Variants in GPHN observed in about 807,000 individuals in gnomAD.
GPHN encodes the protein gephyrin.
A neutral mutation model predicts 95.5 loss-of-function variants in GPHN; 17 were observed. The ratio of observed to expected loss-of-function variants is 0.18; its 90% CI spans 0.12 to 0.27. The LOEUF is 0.27. Among genes scored for constraint, GPHN ranks in the 10% least tolerant of loss-of-function variants. The pLI, the probability that GPHN is intolerant of heterozygous loss-of-function variation, is 1.00. For missense variants in GPHN, 660 were observed against 978.1 expected, an observed-to-expected ratio of 0.67 and a Z score of 4.34; for synonymous variants, 320 against 322.5, an observed-to-expected ratio of 0.99 and a Z score of 0.08.
At chr14:67,473,340 G>A in the GPHN span, 1 of 1,551,118 alleles carries the variant, frequency 6.4e-7, no homozygotes. The surrounding 1 kb of genome is among the most constrained non-coding windows in gnomAD (Gnocchi z 6.5). Context: ...TTTGCTGCAT[G>A]GATGGGGCAA....
the GPHN span, among the ~76,000 whole-genome samples, chr14:67,324,902 T>A: frequency 8.0e-5 from 11 of 137,068 alleles, no homozygotes; most frequent in African/African-American, 2.8e-4. Context: ...CTTTCATTTT[T>A]TTTTTTTTTT....
At chr14:66,692,396 T>C (rs1419553298) in intron 2 of GPHN, among the ~76,000 whole-genome samples, 1 of 152,160 alleles carries the variant, frequency 6.6e-6, no homozygotes, top group Non-Finnish European at 1.5e-5. Flanking sequence ...GTTTTTAATA[T>C]GATGTTTCAT....
chr14:66,553,733 C>T (rs1042788305), intron 1 of GPHN, among the ~76,000 whole-genome samples: 14 of 152,088 alleles, frequency 9.2e-5, no homozygotes, highest in African/African-American at 2.9e-4. Flanking sequence ...TGGGCCACCA[C>T]GCCCGCCTAA....
the GPHN span, among the ~76,000 whole-genome samples, chr14:67,248,969 AT>A: frequency 9.0e-5 from 13 of 143,672 alleles, no homozygotes; most frequent in African/African-American, 1.3e-4. Context: ...CTACATACCA[AT>A]TTTTTTTTTT....
At chr14:66,719,688 A>C (rs936857835) in intron 2 of GPHN, among the ~76,000 whole-genome samples, 2 of 152,176 alleles carry the variant, frequency 1.3e-5, no homozygotes, top group Non-Finnish European at 2.9e-5. Flanking sequence ...CCTGCTGCAC[A>C]AATTTGTGAA....
chr14:67,567,042 G>A, the GPHN span, among the ~76,000 whole-genome samples: 2 of 152,136 alleles, frequency 1.3e-5, no homozygotes, highest in East Asian at 3.9e-4. Flanking sequence ...AGAATGTAAG[G>A]AGATCTCATC....
intron 1 of GPHN, among the ~76,000 whole-genome samples, chr14:66,569,791 T>C (rs2060607114): frequency 6.6e-6 from 1 of 152,154 alleles, no homozygotes; most frequent in Non-Finnish European, 1.5e-5. Flanking sequence ...ACCTCACATA[T>C]TTATTTGTTG....
chr14:67,579,379 C>T, the GPHN span: 1 of 1,276,778 alleles, frequency 7.8e-7, no homozygotes, highest in Non-Finnish European at 1.1e-6. Flanking sequence ...ACCCCTGGGC[C>T]TTAGGCTCAG....
At chr14:67,656,671 G>C in the GPHN span, 2 of 1,433,312 alleles carry the variant, frequency 1.4e-6, no homozygotes, top group African/African-American at 1.4e-5. Context: ...CCTTCCCCAT[G>C]TTAGAAGGGA....
the GPHN span, chr14:67,615,641 C>T: frequency 1.9e-6 from 1 of 535,880 alleles, no homozygotes; most frequent in Non-Finnish European, 3.6e-6. Context: ...AAGACCATGT[C>T]TGCTAAAGAG....
chr14:67,632,969 CG>C, the GPHN span, among the ~76,000 whole-genome samples: 3 of 151,328 alleles, frequency 2.0e-5, no homozygotes, highest in Admixed American at 2.0e-4. Flanking sequence ...TACAGGCGCC[CG>C]CCACCACGCC....
chr14:67,455,701 A>T, the GPHN span, among the ~76,000 whole-genome samples: 3 of 152,214 alleles, frequency 2.0e-5, no homozygotes, highest in African/African-American at 4.8e-5. Flanking sequence ...ATTATTTATA[A>T]CTATCATTTA....
At chr14:67,444,236 A>C in the GPHN span, among the ~76,000 whole-genome samples, 1 of 152,186 alleles carries the variant, frequency 6.6e-6, no homozygotes, top group Admixed American at 6.5e-5. Flanking sequence ...GGACCTCCTG[A>C]GGCTGTGTCA....
chr14:67,011,820 T>C (rs2073029555), intron 9 of GPHN, among the ~76,000 whole-genome samples: 2 of 134,722 alleles, frequency 1.5e-5, no homozygotes, highest in Non-Finnish European at 3.5e-5. Flanking sequence ...GTTGTGTGTA[T>C]AAATACACAG....
At chr14:66,830,446 C>A (rs991009322) in intron 4 of GPHN, among the ~76,000 whole-genome samples, 3 of 151,970 alleles carry the variant, frequency 2.0e-5, no homozygotes, top group Non-Finnish European at 4.4e-5. Flanking sequence ...TAAGTAAAAT[C>A]TCACTGTTAA....
intron 1 of GPHN, among the ~76,000 whole-genome samples, chr14:66,583,665 T>C (rs1472105592): frequency 6.6e-6 from 1 of 152,176 alleles, no homozygotes; most frequent in East Asian, 1.9e-4. Context: ...TTGCTTGTTT[T>C]TGTCAGGTTT....
chr14:67,320,914 A>T, the GPHN span: 2 of 680,646 alleles, frequency 2.9e-6, no homozygotes, highest in Non-Finnish European at 5.0e-6. Context: ...AAACAATGTT[A>T]AACATGTAGG....
At chr14:67,555,092 A>C in the GPHN span, among the ~76,000 whole-genome samples, 11 of 152,046 alleles carry the variant, frequency 7.2e-5, no homozygotes, top group Non-Finnish European at 5.9e-5. Flanking sequence ...AAAAAAGAAA[A>C]ATTTTAGTAG....
intron 17 of GPHN, among the ~76,000 whole-genome samples, chr14:67,141,538 T>A (rs1189303428): frequency 1.3e-5 from 2 of 152,204 alleles, no homozygotes; most frequent in African/African-American, 4.8e-5. Context: ...TAATAGGATG[T>A]CATTTAATCC....
Sources: gnomAD v4.1 joint callset for allele counts (sites outside exome capture counted in the v4.1 genomes callset) on GRCh38, gnomAD v4.1.1 for gene constraint, Gnocchi (gnomAD v3.1) non-coding constraint, MANE v1.5 for transcripts, NCBI Gene and HGNC (gene_info 2026-07-23, HGNC 2026-07-21) for gene names.